The following LRRTM4 variants were observed in gnomAD, a reference collection of about 807,000 sequenced individuals.
LRRTM4 encodes leucine rich repeat transmembrane neuronal 4, also known as leucine-rich repeat transmembrane neuronal protein 4.
In LRRTM4, 25 loss-of-function variants were observed where a neutral mutation model predicts 47.6. The observed-to-expected ratio is 0.53, with a 90% CI of 0.38 to 0.73. The LOEUF is 0.73. LRRTM4 is among the 30% of genes least tolerant of loss of function. The pLI, the probability that LRRTM4 is intolerant of heterozygous loss-of-function variation, is 0.00. For missense variants in LRRTM4, 638 were observed against 713.4 expected (o/e 0.89, Z 1.20); for synonymous variants, 311 against 269.5 (o/e 1.15, Z -1.51).
At chr2:76,888,074 CA>C (rs1558715398) in intron 3 of LRRTM4, among the ~76,000 whole-genome samples, 1 of 149,326 alleles carries the variant, frequency 6.7e-6, no homozygotes, top group Admixed American at 6.7e-5. Flanking sequence ...TATATATATA[CA>C]TATATATACA....
chr2:77,338,862 A>T (rs550224544), intron 3 of LRRTM4, among the ~76,000 whole-genome samples: 5 of 152,204 alleles, frequency 3.3e-5, no homozygotes, highest in Non-Finnish European at 7.4e-5. Flanking sequence ...GTGTCTATCA[A>T]TGGTGGACTG....
At chr2:76,972,432 T>C (rs1676252687) in intron 3 of LRRTM4, among the ~76,000 whole-genome samples, 2 of 139,502 alleles carry the variant, frequency 1.4e-5, no homozygotes, top group South Asian at 5.0e-4. Context: ...TTTTTTTTTT[T>C]TTTGAGCTGG....
At chr2:77,338,592 A>G (rs940203583) in intron 3 of LRRTM4, among the ~76,000 whole-genome samples, 1 of 151,880 alleles carries the variant, frequency 6.6e-6, no homozygotes, top group South Asian at 2.1e-4. Context: ...AAACAAAAAA[A>G]CAGAAAACAG....
At chr2:77,171,807 G>C (rs1377093388) in intron 3 of LRRTM4, among the ~76,000 whole-genome samples, 1 of 151,782 alleles carries the variant, frequency 6.6e-6, no homozygotes, top group South Asian at 2.1e-4. Context: ...GTCATGAAAG[G>C]CATTGCTCTT....
chr2:77,071,502 C>T (rs1484587637), intron 3 of LRRTM4, among the ~76,000 whole-genome samples: 1 of 151,994 alleles, frequency 6.6e-6, no homozygotes, highest in African/African-American at 2.4e-5. Flanking sequence ...TTGAAATTTA[C>T]TAAATTAGAA....
intron 3 of LRRTM4, among the ~76,000 whole-genome samples, chr2:77,160,952 T>C (rs1306787894): frequency 1.3e-5 from 2 of 152,144 alleles, no homozygotes; most frequent in Non-Finnish European, 2.9e-5. Flanking sequence ...CCTGTCCTAG[T>C]TCCATGGCAG....
At chr2:76,978,203 A>C (rs1676481992) in intron 3 of LRRTM4, among the ~76,000 whole-genome samples, 1 of 151,990 alleles carries the variant, frequency 6.6e-6, no homozygotes, top group Non-Finnish European at 1.5e-5. Flanking sequence ...CTCCACCAGG[A>C]CAGTTCAGCA....
chr2:77,398,138 A>G (rs13425851), intron 3 of LRRTM4, among the ~76,000 whole-genome samples: 7,862 of 151,974 alleles, frequency 0.052, 313 homozygotes, highest in South Asian at 0.1. Flanking sequence ...ATTCCAGTGC[A>G]AATAATTCTC....
intron 3 of LRRTM4, among the ~76,000 whole-genome samples, chr2:77,278,269 C>A (rs1174234755): frequency 6.6e-6 from 1 of 151,872 alleles, no homozygotes; most frequent in Admixed American, 6.6e-5. Context: ...CTTATAATCA[C>A]CAGAAAAATT....
intron 3 of LRRTM4, among the ~76,000 whole-genome samples, chr2:76,857,369 G>C (rs921882026): frequency 1.3e-5 from 2 of 148,334 alleles, no homozygotes; most frequent in African/African-American, 2.5e-5. Flanking sequence ...GGCTTGTTTT[G>C]ATATTCATAT....
chr2:77,448,013 GA>G (rs2103945044), intron 3 of LRRTM4, among the ~76,000 whole-genome samples: 1 of 152,276 alleles, frequency 6.6e-6, no homozygotes, highest in South Asian at 2.1e-4. Context: ...GAATGGATTA[GA>G]TGAGTGAACC....
chr2:77,496,494 G>A (rs1001017775), intron 3 of LRRTM4, among the ~76,000 whole-genome samples: 1 of 151,766 alleles, frequency 6.6e-6, no homozygotes, highest in African/African-American at 2.4e-5. Context: ...GGTTGAAGAA[G>A]TTCCCTGCTA....
intron 3 of LRRTM4, among the ~76,000 whole-genome samples, chr2:77,436,414 T>G (rs1417144721): frequency 6.6e-6 from 1 of 151,962 alleles, no homozygotes; most frequent in Admixed American, 6.6e-5. Context: ...ATTAAATTAA[T>G]TATATGTGAT....
At chr2:76,939,599 A>G (rs1675068579) in intron 3 of LRRTM4, among the ~76,000 whole-genome samples, 1 of 151,962 alleles carries the variant, frequency 6.6e-6, no homozygotes, top group African/African-American at 2.4e-5. Context: ...CTGAAGGAAT[A>G]GAACCAATAT....
chr2:76,797,557 C>T (rs916731911), intron 3 of LRRTM4, among the ~76,000 whole-genome samples: 2 of 151,706 alleles, frequency 1.3e-5, no homozygotes, highest in African/African-American at 4.8e-5. Context: ...ACTGCATCAA[C>T]TAACCAGCAA....
At chr2:77,026,327 A>T (rs1429085578) in intron 3 of LRRTM4, among the ~76,000 whole-genome samples, 3 of 152,132 alleles carry the variant, frequency 2.0e-5, no homozygotes, top group Non-Finnish European at 4.4e-5. Context: ...AGATAAAAGA[A>T]ATGAGGCTCA....
intron 3 of LRRTM4, among the ~76,000 whole-genome samples, chr2:77,012,631 C>T (rs1465262773): frequency 1.3e-5 from 2 of 152,058 alleles, no homozygotes; most frequent in African/African-American, 4.8e-5. Context: ...ACTAGAAATC[C>T]CTTTTCAAAT....
intron 3 of LRRTM4, among the ~76,000 whole-genome samples, chr2:76,945,066 G>A (rs1675278347): frequency 6.6e-6 from 1 of 151,954 alleles, no homozygotes; most frequent in African/African-American, 2.4e-5. Flanking sequence ...TCAGCTTTAG[G>A]ACAGGTATGT....
chr2:76,818,634 A>G (rs1474313215), intron 3 of LRRTM4, among the ~76,000 whole-genome samples: 2 of 151,748 alleles, frequency 1.3e-5, no homozygotes, highest in South Asian at 2.1e-4. Flanking sequence ...ATATTAATTG[A>G]CCAATTGTTT....
Sources: allele counts gnomAD v4.1 joint callset (sites outside exome capture counted in the v4.1 genomes callset), GRCh38; gene constraint gnomAD v4.1.1; transcripts MANE v1.5; gene names NCBI Gene and HGNC (gene_info 2026-07-23, HGNC 2026-07-21).